The following SNAPC5 variants were observed in gnomAD, a reference collection of about 807,000 sequenced individuals.
The protein encoded by SNAPC5 is snRNA-activating protein complex subunit 5.
Under a neutral mutation model 9.1 loss-of-function variants are expected in SNAPC5, and 12 were observed. That is an observed-to-expected ratio of 1.32 (90% CI 0.85 to 2.15). The LOEUF is 2.15. Among genes scored for constraint, SNAPC5 ranks in the 30% most tolerant of loss-of-function variants. The pLI, the probability that SNAPC5 is intolerant of heterozygous loss-of-function variation, is 0.00. For synonymous variants in SNAPC5, 52 were observed against 47.3 expected (o/e 1.10, Z -0.41); for missense variants, 132 against 114.4 (o/e 1.15, Z -0.70).
intron 1 of SNAPC5, 104 bp downstream of exon 1, chr15:66,497,538 G>T: frequency 1.0e-6 from 1 of 971,304 alleles, no homozygotes; most frequent in Non-Finnish European, 1.7e-6. Context: ...CTAGTGAGTA[G>T]CGGAGAACTG....
chr15:66,491,976 G>A (rs775185897), downstream of SNAPC5: 1 of 456,690 alleles, frequency 2.2e-6, no homozygotes, highest in South Asian at 1.5e-5. Context: ...TCATAGGAGG[G>A]CCTTGCTGGT....
chr15:66,494,769 A>C (rs1893372226), intron 2 of SNAPC5: 2 of 488,864 alleles, frequency 4.1e-6, no homozygotes, highest in Non-Finnish European at 7.3e-6. Flanking sequence ...CCTCATTTAC[A>C]AACATTATTA....
downstream of SNAPC5, among the ~76,000 whole-genome samples, chr15:66,493,022 C>G (rs1182739537): frequency 6.6e-6 from 1 of 152,064 alleles, no homozygotes; most frequent in African/African-American, 2.4e-5. Context: ...CTTTTTGTTC[C>G]CAAACTGTCT....
chr15:66,492,926 A>T (rs186930104), downstream of SNAPC5, among the ~76,000 whole-genome samples: 2 of 152,330 alleles, frequency 1.3e-5, no homozygotes, highest in Non-Finnish European at 2.9e-5. Flanking sequence ...TTTGTGGTAG[A>T]GCTGGAATTC....
chr15:66,492,682 T>A (rs191683441), downstream of SNAPC5, among the ~76,000 whole-genome samples: 908 of 151,984 alleles, frequency 6.0e-3, 3 homozygotes, highest in Admixed American at 9.7e-3. Context: ...TTTTGAGGGG[T>A]GTTTAGATTT....
At position 66,493,713 on chromosome 15, in the gene SNAPC5, CTCT is replaced by C. The variant is rs908151261; in HGVS notation, c.*720_*722del. 2.0e-5 allele frequency: 3 copies of C among 152,220 alleles called. No homozygotes were observed. The highest frequency in any genetic ancestry group is 7.2e-5 in the African/African-American group (3 of 41,458). 9.4% of individuals were successfully genotyped at this position (152,220 alleles called of 1,614,324 possible). On this transcript the variant is annotated 3_prime_UTR_variant, in exon 3 of 3. Coordinates refer to ENST00000316634, the MANE Select transcript of SNAPC5 (RefSeq NM_001329615.2). ...CCAGTCTTCCAAGCATGGCACATCT[CTCT>C]TAAGGACCAGAAATGGATTTCAAAC...
chr15:66,495,568 A>G (rs1245075211), intron 1 of SNAPC5, 149 bp from the exon 2 acceptor site: 1 of 609,666 alleles, frequency 1.6e-6, no homozygotes, highest in Non-Finnish European at 2.9e-6. Context: ...TTGAGGGGGT[A>G]GGCTCTTAGG....
At chr15:66,496,019 G>A (rs1478954726) in intron 1 of SNAPC5, among the ~76,000 whole-genome samples, 3 of 151,556 alleles carry the variant, frequency 2.0e-5, no homozygotes, top group African/African-American at 2.4e-5. Context: ...TCAGGAGATC[G>A]AGAACATCCT....
At chr15:66,490,358 C>A, downstream of SNAPC5, 1 of 750,228 alleles carries the variant, frequency 1.3e-6, no homozygotes, top group Non-Finnish European at 2.4e-6. Context: ...CAGCTGGCCC[C>A]ACTGTTGCTC....
downstream of SNAPC5, chr15:66,490,550 G>A: frequency 6.2e-7 from 1 of 1,614,182 alleles, no homozygotes; most frequent in East Asian, 2.2e-5. Context: ...GGATTTTGCA[G>A]GTTGGCTCTG....
At chr15:66,490,368 C>T (rs751264427), downstream of SNAPC5, 8 of 766,092 alleles carry the variant, frequency 1.0e-5, no homozygotes, top group Non-Finnish European at 1.9e-5. Context: ...CACTGTTGCT[C>T]AGGGGCAGGT....
downstream of SNAPC5, among the ~76,000 whole-genome samples, chr15:66,493,167 A>C (rs1567029936): frequency 1.3e-5 from 2 of 152,216 alleles, no homozygotes; most frequent in Non-Finnish European, 2.9e-5. Context: ...CTGTTACATA[A>C]GTTCTGCTTG....
chr15:66,491,086 T>A (rs1009616533), downstream of SNAPC5: 1 of 354,390 alleles, frequency 2.8e-6, no homozygotes, highest in East Asian at 4.7e-5. Flanking sequence ...TTTGCTGCTA[T>A]GAAAATGAGC....
At position 66,494,292 on chromosome 15, in the gene SNAPC5, TGCAACTACACA is replaced by T; in HGVS notation, c.*133_*143del. The T allele has an allele frequency of 3.1e-6, 2 of 653,356 alleles. No individual in the cohort carries two copies. The highest frequency in any genetic ancestry group is 2.7e-6 in the Non-Finnish European group (1 of 366,392). The allele number at this position is 653,356 out of a possible 1,614,324, so 40.5% of individuals were successfully genotyped here. A position where few individuals can be genotyped will look rare whatever the true frequency, so the allele number is the denominator to read the frequency against. On this transcript the variant is annotated 3_prime_UTR_variant, in exon 3 of 3. Coordinates refer to ENST00000316634, the MANE Select transcript of SNAPC5 (RefSeq NM_001329615.2). ...CTTGAGTTACCGATGGAGCCATTTT[TGCAACTACACA>T]TCCTCCTTATAGTTCTTGCTTTCCT...
Position 66,493,515 on chromosome 15 carries a change from G to T in SNAPC5, c.*921C>A, listed in dbSNP as rs1452786065. 1 of 152,126 alleles carries T rather than the reference G, an allele frequency of 6.6e-6. No homozygotes were observed. The highest frequency in any genetic ancestry group is 1.5e-5 in the Non-Finnish European group (1 of 68,016). The allele number at this position is 152,126 out of a possible 1,614,324, so 9.4% of individuals were successfully genotyped here. ...ACTAAAAATACAAAATTAGCCGGGT[G>T]TGGTGGTGCATGCCTGTAATCCTAG... On this transcript the variant is annotated 3_prime_UTR_variant, in exon 3 of 3. Transcript: ENST00000316634.
chr15:66,490,036 G>A (rs1017010594), downstream of SNAPC5: 16 of 574,732 alleles, frequency 2.8e-5, no homozygotes, highest in Non-Finnish European at 4.3e-5. Flanking sequence ...CCCCTTCATG[G>A]GGATGCGGCC....
At chr15:66,489,772 A>G (rs368800650), downstream of SNAPC5, 362 of 1,601,320 alleles carry the variant, frequency 2.3e-4, 1 homozygote, top group Admixed American at 2.7e-4. Context: ...TGGTGAGTCT[A>G]TTTATTCCGG....
rs1893348467 is a variant in SNAPC5, at chr15:66,494,201, C to T, written c.*235G>A. Reference sequence around the variant, plus strand: ...GAATCTGACCAGATTACAGACAGCACCACCCATATTACTCAATGCTAAGAC... The same window carrying T: ...GAATCTGACCAGATTACAGACAGCATCACCCATATTACTCAATGCTAAGAC... On this transcript the variant is annotated 3_prime_UTR_variant, in exon 3 of 3. Coordinates refer to ENST00000316634, the MANE Select transcript of SNAPC5 (RefSeq NM_001329615.2). 4.2e-6 allele frequency: 2 copies of T among 480,064 alleles called. No individual in the cohort carries two copies. Among genetic ancestry groups the T allele is most frequent in the South Asian group, 5.7e-5 (2 of 35,296 alleles). The allele number at this position is 480,064 out of a possible 1,614,324, so 29.7% of individuals were successfully genotyped here.
At chr15:66,490,646 C>T (rs774452900), downstream of SNAPC5, 24 of 1,563,782 alleles carry the variant, frequency 1.5e-5, no homozygotes, top group South Asian at 2.4e-4. Context: ...AGCGAGTCCC[C>T]TGCCCGGTGG....
Sources: allele counts gnomAD v4.1 joint callset (sites outside exome capture counted in the v4.1 genomes callset), GRCh38; gene constraint gnomAD v4.1.1; transcripts MANE v1.5; gene names NCBI Gene and HGNC (gene_info 2026-07-23, HGNC 2026-07-21).